Variants in HMG20A observed in about 807,000 individuals in gnomAD.
HMG20A encodes the protein high mobility group protein 20A.
HMG20A carries 17 observed loss-of-function variants against 43.9 expected under a neutral mutation model. The ratio of observed to expected loss-of-function variants is 0.39; its 90% CI spans 0.27 to 0.58. The LOEUF (loss-of-function observed/expected upper bound fraction) is 0.58. Ranked by LOEUF, HMG20A falls within the 20% of genes least tolerant of loss-of-function variation. HMG20A has a pLI of 0.59. For synonymous variants in HMG20A, 132 were observed against 147.5 expected, an observed-to-expected ratio of 0.89 and a Z score of 0.76; for missense variants, 341 against 438.2, an observed-to-expected ratio of 0.78 and a Z score of 1.98.
intron 3 of HMG20A, among the ~76,000 whole-genome samples, chr15:77,465,260 C>CAA (rs71145837): frequency 0.018 from 1,053 of 58,836 alleles, 68 homozygotes; most frequent in African/African-American, 0.042. Flanking sequence ...GACTTCGTCT[C>CAA]AAAAAAAAAA....
chr15:77,518,325 A>G, the HMG20A span, among the ~76,000 whole-genome samples: 1 of 152,210 alleles, frequency 6.6e-6, no homozygotes, highest in African/African-American at 2.4e-5. Context: ...AACCCCTCTC[A>G]TAAACACCAG....
At chr15:77,456,652 AAAAG>A (rs1478403792) in intron 1 of HMG20A, among the ~76,000 whole-genome samples, 1 of 151,648 alleles carries the variant, frequency 6.6e-6, no homozygotes, top group Non-Finnish European at 1.5e-5. Flanking sequence ...AAAAAAAAAA[AAAAG>A]CCAGTCAAGT....
At chr15:77,510,468 G>A in the HMG20A span, among the ~76,000 whole-genome samples, 9 of 152,228 alleles carry the variant, frequency 5.9e-5, no homozygotes, top group African/African-American at 1.4e-4. Flanking sequence ...TTTGTAAAGC[G>A]CAGCTTAAAT....
chr15:77,502,512 G>A, the HMG20A span, among the ~76,000 whole-genome samples: 1 of 152,160 alleles, frequency 6.6e-6, no homozygotes, highest in Admixed American at 6.5e-5. Flanking sequence ...AACACGTAAA[G>A]TTGGTGGACT....
At chr15:77,514,240 A>G in the HMG20A span, among the ~76,000 whole-genome samples, 1 of 152,350 alleles carries the variant, frequency 6.6e-6, no homozygotes, top group East Asian at 1.9e-4. Context: ...TGAATTAATT[A>G]TTAATACACG....
At chr15:77,517,223 T>C in the HMG20A span, among the ~76,000 whole-genome samples, 20 of 152,282 alleles carry the variant, frequency 1.3e-4, no homozygotes, top group African/African-American at 4.1e-4. Context: ...CTCTGTCAAC[T>C]CTATCACATT....
At chr15:77,478,036 CA>C in intron 7 of HMG20A, 2 of 542,954 alleles carry the variant, frequency 3.7e-6, no homozygotes, top group African/African-American at 1.9e-5. Context: ...AACTAACAAA[CA>C]AAAAAATACT....
At chr15:77,464,157 C>A in intron 2 of HMG20A, 83 bp from the exon 3 acceptor site, 1 of 1,462,566 alleles carries the variant, frequency 6.8e-7, no homozygotes, top group Non-Finnish European at 9.4e-7. Flanking sequence ...CTGGCATGTG[C>A]TTTTGCTGGC....
At chr15:77,431,499 A>G (rs375400469) in intron 1 of HMG20A, among the ~76,000 whole-genome samples, 2 of 152,168 alleles carry the variant, frequency 1.3e-5, no homozygotes, top group Admixed American at 6.5e-5. Context: ...GGCATGAGCT[A>G]CCATGCCCAG....
the HMG20A span, among the ~76,000 whole-genome samples, chr15:77,501,858 C>A: frequency 4.6e-5 from 7 of 152,202 alleles, no homozygotes; most frequent in African/African-American, 1.4e-4. Flanking sequence ...CTGGGGATAT[C>A]TGAATATCAT....
chr15:77,515,154 T>G, the HMG20A span, among the ~76,000 whole-genome samples: 2 of 152,060 alleles, frequency 1.3e-5, no homozygotes, highest in Non-Finnish European at 2.9e-5. Context: ...CCAAAGACAA[T>G]GGGCTTGAAT....
chr15:77,499,763 C>T, the HMG20A span, among the ~76,000 whole-genome samples: 2 of 152,170 alleles, frequency 1.3e-5, no homozygotes, highest in South Asian at 2.1e-4. Context: ...TCCACCAGTT[C>T]GTCCTGCACA....
downstream of HMG20A, among the ~76,000 whole-genome samples, chr15:77,487,261 G>A (rs1004350484): frequency 3.3e-5 from 5 of 152,148 alleles, no homozygotes; most frequent in Non-Finnish European, 5.9e-5. Flanking sequence ...TTGCATGGAC[G>A]TCACTGTGCC....
chr15:77,459,093 G>A (rs2072682394), intron 2 of HMG20A, among the ~76,000 whole-genome samples: 1 of 152,204 alleles, frequency 6.6e-6, no homozygotes, highest in Non-Finnish European at 1.5e-5. Flanking sequence ...AAGAGAAAGT[G>A]TGTTCACTAA....
the HMG20A span, among the ~76,000 whole-genome samples, chr15:77,499,781 A>G: frequency 6.6e-6 from 1 of 152,024 alleles, no homozygotes; most frequent in Non-Finnish European, 1.5e-5. Context: ...ACACCACTAC[A>G]AAAGCAACTT....
rs1407558503 is a variant in HMG20A at position 77,471,052 on chromosome 15, C to T, written c.583+10C>T. On this transcript the variant is annotated intron_variant, in intron 5 of 9. Coordinates refer to ENST00000336216, the MANE Select transcript of HMG20A (RefSeq NM_001304504.2). ...AAATCTCATAGGCAAGGTATCAAAA[C>T]CAGAACCAAATGTATTTGTAGTTTG... The T allele has an allele frequency of 1.9e-6, 3 of 1,606,218 alleles. No individual in the cohort carries two copies. Among genetic ancestry groups the T allele is most frequent in the Non-Finnish European group, 2.5e-6 (3 of 1,177,788 alleles).
the HMG20A span, among the ~76,000 whole-genome samples, chr15:77,512,066 T>C: frequency 6.6e-6 from 1 of 152,238 alleles, no homozygotes; most frequent in African/African-American, 2.4e-5. Context: ...TACTGTGGAA[T>C]ATTACTCAGT....
At chr15:77,511,153 G>A in the HMG20A span, among the ~76,000 whole-genome samples, 2 of 152,204 alleles carry the variant, frequency 1.3e-5, no homozygotes, top group Admixed American at 6.5e-5. Context: ...GGAGAAGGAA[G>A]TTGAAAATAT....
At chr15:77,452,190 A>G (rs2072609350) in intron 1 of HMG20A, among the ~76,000 whole-genome samples, 1 of 152,234 alleles carries the variant, frequency 6.6e-6, no homozygotes, top group Admixed American at 6.5e-5. Flanking sequence ...CAATATTATG[A>G]TGAAGCTGTG....
Sources: gnomAD v4.1 joint callset for allele counts (sites outside exome capture counted in the v4.1 genomes callset) on GRCh38, gnomAD v4.1.1 for gene constraint, MANE v1.5 for transcripts, NCBI Gene and HGNC (gene_info 2026-07-23, HGNC 2026-07-21) for gene names.